Variants in BMAL2 observed in about 807,000 individuals in gnomAD.
BMAL2 encodes the protein basic helix-loop-helix ARNT like 2, also known as basic helix-loop-helix ARNT-like protein 2.
chr12:27,353,167 C>T, the BMAL2 span, among the ~76,000 whole-genome samples: 19,233 of 152,078 alleles, frequency 0.13, 1,394 homozygotes, highest in Non-Finnish European at 0.17. Context: ...TCACACTACC[C>T]GACTTCAAAC....
the BMAL2 span, among the ~76,000 whole-genome samples, chr12:27,367,155 C>T: frequency 6.6e-6 from 1 of 152,104 alleles, no homozygotes; most frequent in Admixed American, 6.5e-5. Context: ...TACTCTTGTG[C>T]TTTGAGGCCA....
the BMAL2 span, among the ~76,000 whole-genome samples, chr12:27,385,097 T>G: frequency 2.0e-4 from 30 of 152,296 alleles, 1 homozygote; most frequent in East Asian, 4.8e-3. Context: ...GTGGATTGCT[T>G]GAGGCCAGGA....
chr12:27,391,739 T>C, the BMAL2 span, among the ~76,000 whole-genome samples: 4 of 152,220 alleles, frequency 2.6e-5, no homozygotes, highest in African/African-American at 9.6e-5. Flanking sequence ...GAGAGTCAAA[T>C]AGGCAAAATT....
At chr12:27,418,627 A>G in the BMAL2 span, among the ~76,000 whole-genome samples, 1 of 152,058 alleles carries the variant, frequency 6.6e-6, no homozygotes, top group Admixed American at 6.6e-5. Context: ...AAATAAATAA[A>G]TAAATATTTT....
At chr12:27,381,460 T>C in the BMAL2 span, among the ~76,000 whole-genome samples, 1 of 152,074 alleles carries the variant, frequency 6.6e-6, no homozygotes, top group Non-Finnish European at 1.5e-5. Context: ...GGAGCCGGCA[T>C]CTTACATGGC....
At chr12:27,388,606 T>A in the BMAL2 span, among the ~76,000 whole-genome samples, 1 of 151,974 alleles carries the variant, frequency 6.6e-6, no homozygotes, top group Non-Finnish European at 1.5e-5. Context: ...CAAAGGCAAT[T>A]TGGCTGGAGT....
the BMAL2 span, among the ~76,000 whole-genome samples, chr12:27,356,512 A>G: frequency 6.6e-6 from 1 of 152,188 alleles, no homozygotes; most frequent in Non-Finnish European, 1.5e-5. Context: ...CCAATAGTCC[A>G]TACGCCTTCT....
chr12:27,350,705 G>C, the BMAL2 span, among the ~76,000 whole-genome samples: 1 of 152,042 alleles, frequency 6.6e-6, no homozygotes, highest in Non-Finnish European at 1.5e-5. Context: ...TTGGAGACAG[G>C]GTCTTGCTCT....
chr12:27,420,245 G>T, the BMAL2 span: 1 of 883,694 alleles, frequency 1.1e-6, no homozygotes, highest in Non-Finnish European at 1.7e-6. Flanking sequence ...TGCAGCTTAA[G>T]ATATATACTT....
the BMAL2 span, among the ~76,000 whole-genome samples, chr12:27,418,446 A>G: frequency 6.6e-6 from 1 of 151,732 alleles, no homozygotes. Flanking sequence ...CGAAAAAAAA[A>G]TTGTTTTAAT....
chr12:27,365,568 A>G, the BMAL2 span, among the ~76,000 whole-genome samples: 3 of 151,916 alleles, frequency 2.0e-5, no homozygotes, highest in Non-Finnish European at 2.9e-5. Context: ...ATATAGGAAT[A>G]TTCAGGTTTT....
At chr12:27,390,183 G>A in the BMAL2 span, 1 of 1,613,828 alleles carries the variant, frequency 6.2e-7, no homozygotes, top group African/African-American at 1.3e-5. Flanking sequence ...CGGATAAAGA[G>A]TTGTAAAATC....
chr12:27,377,496 C>T, the BMAL2 span: 2 of 152,214 alleles, frequency 1.3e-5, no homozygotes, highest in African/African-American at 4.8e-5. Flanking sequence ...AGTCAGGAGT[C>T]TCTATCCATC....
the BMAL2 span, chr12:27,401,168 T>C: frequency 2.8e-6 from 3 of 1,054,082 alleles, no homozygotes; most frequent in Non-Finnish European, 4.4e-6. Context: ...TGTGCACTTC[T>C]TTACGATCCT....
chr12:27,419,124 G>A, the BMAL2 span, among the ~76,000 whole-genome samples: 3 of 152,068 alleles, frequency 2.0e-5, no homozygotes, highest in Admixed American at 6.5e-5. Flanking sequence ...AAGAATTACC[G>A]AGAATTCATA....
chr12:27,397,016 A>G, the BMAL2 span, among the ~76,000 whole-genome samples: 1 of 152,076 alleles, frequency 6.6e-6, no homozygotes, highest in Non-Finnish European at 1.5e-5. Context: ...ACTCTTTCAA[A>G]TAGTAATTAA....
At chr12:27,372,964 C>T in the BMAL2 span, among the ~76,000 whole-genome samples, 6 of 152,160 alleles carry the variant, frequency 3.9e-5, no homozygotes, top group Admixed American at 1.3e-4. Context: ...TGAGCCACTG[C>T]GCCCAGCCAA....
the BMAL2 span, chr12:27,376,456 G>A: frequency 2.1e-6 from 3 of 1,430,856 alleles, no homozygotes; most frequent in African/African-American, 1.4e-5. Context: ...TGTAGCCTAA[G>A]GCAAAGGTGA....
chr12:27,400,692 A>C, the BMAL2 span: 1 of 1,613,918 alleles, frequency 6.2e-7, no homozygotes, highest in Non-Finnish European at 8.5e-7. Flanking sequence ...TGTTCCACAG[A>C]ACAGTGGAGA....
Sources: gnomAD v4.1 joint callset for allele counts (sites outside exome capture counted in the v4.1 genomes callset) on GRCh38, gnomAD v4.1.1 for gene constraint, MANE v1.5 for transcripts, NCBI Gene and HGNC (gene_info 2026-07-23, HGNC 2026-07-21) for gene names.